The following CACNA2D1 variants were observed in gnomAD, a reference collection of about 807,000 sequenced individuals.
CACNA2D1 encodes calcium voltage-gated channel auxiliary subunit alpha2delta 1.
Under a neutral mutation model 171.5 loss-of-function variants are expected in CACNA2D1, and 53 were observed. The ratio of observed to expected loss-of-function variants is 0.31; its 90% CI spans 0.25 to 0.39. The LOEUF (loss-of-function observed/expected upper bound fraction) is 0.39, where lower values mean the gene tolerates loss of function less well. CACNA2D1 is among the 10% of genes least tolerant of loss of function. CACNA2D1 has a pLI of 1.00. For missense variants in CACNA2D1, 903 were observed against 1,299.8 expected (o/e 0.69, Z 4.69); for synonymous variants, 442 against 443.1 (o/e 1.00, Z 0.03).
chr7:82,162,229 C>T (rs545134531), intron 4 of CACNA2D1, among the ~76,000 whole-genome samples: 5 of 151,808 alleles, frequency 3.3e-5, no homozygotes, highest in Admixed American at 3.3e-4. Flanking sequence ...GTCCACATAA[C>T]TTTTGGAGGT....
chr7:82,250,403 G>C (rs1040248453), intron 3 of CACNA2D1, among the ~76,000 whole-genome samples: 1 of 152,144 alleles, frequency 6.6e-6, no homozygotes, highest in Non-Finnish European at 1.5e-5. Context: ...TTGTAGGAAA[G>C]CATTTTTGTT....
intron 7 of CACNA2D1, among the ~76,000 whole-genome samples, chr7:82,078,236 G>A (rs1175974246): frequency 2.6e-5 from 4 of 152,054 alleles, no homozygotes; most frequent in African/African-American, 7.2e-5. Flanking sequence ...AACGTCATAC[G>A]GAGATGAAGT....
intron 7 of CACNA2D1, among the ~76,000 whole-genome samples, chr7:82,074,731 CTT>C (rs1157915183): frequency 6.6e-6 from 1 of 152,084 alleles, no homozygotes; most frequent in African/African-American, 2.4e-5. Context: ...TTCGTCCAGA[CTT>C]AATTACACTG....
chr7:82,168,637 A>G (rs186009138), intron 4 of CACNA2D1, among the ~76,000 whole-genome samples: 46 of 149,852 alleles, frequency 3.1e-4, no homozygotes, highest in African/African-American at 1.1e-3. Context: ...AATGAGCCCA[A>G]TATTAAAGAG....
chr7:82,303,050 G>C (rs1347045665), intron 3 of CACNA2D1, among the ~76,000 whole-genome samples: 1 of 152,126 alleles, frequency 6.6e-6, no homozygotes, highest in Non-Finnish European at 1.5e-5. Flanking sequence ...CTGGAGTGCA[G>C]TGGTGCGATC....
At chr7:81,951,971 T>TTTTTTTTTGTTTGTTTG (rs1671690004) in intron 38 of CACNA2D1, among the ~76,000 whole-genome samples, 6 of 130,754 alleles carry the variant, frequency 4.6e-5, no homozygotes, top group Admixed American at 7.9e-5. Context: ...TACAAAGTGT[T>TTTTTTTTTGTTTGTTTG]TTTTTTTTTT....
intron 3 of CACNA2D1, among the ~76,000 whole-genome samples, chr7:82,240,525 T>C (rs1220206376): frequency 3.9e-5 from 6 of 152,272 alleles, no homozygotes; most frequent in Admixed American, 3.3e-4. Context: ...TAGAGGCAAA[T>C]ACAAGTGTAT....
chr7:82,114,762 A>G (rs942457780), intron 6 of CACNA2D1, among the ~76,000 whole-genome samples: 3 of 47,946 alleles, frequency 6.3e-5, no homozygotes, highest in Admixed American at 3.4e-4. Context: ...TCCCAGAAGA[A>G]AAAAAAAAAA....
intron 7 of CACNA2D1, among the ~76,000 whole-genome samples, chr7:82,067,367 T>C (rs981806466): frequency 2.0e-5 from 3 of 152,200 alleles, no homozygotes; most frequent in Admixed American, 6.5e-5. Context: ...CTAGTTCATA[T>C]GACTTACGTT....
intron 10 of CACNA2D1, among the ~76,000 whole-genome samples, chr7:82,060,168 A>G (rs1351131082): frequency 9.7e-5 from 1 of 10,316 alleles, no homozygotes; most frequent in African/African-American, 2.4e-4. Flanking sequence ...TATATATAAT[A>G]TATATATATA....
intron 6 of CACNA2D1, among the ~76,000 whole-genome samples, chr7:82,108,988 T>C (rs1300910175): frequency 6.6e-6 from 1 of 152,176 alleles, no homozygotes; most frequent in Admixed American, 6.5e-5. Flanking sequence ...GAAGCAATTG[T>C]ACTTTTTAAA....
At chr7:81,951,094 T>C (rs184687739) in intron 38 of CACNA2D1, among the ~76,000 whole-genome samples, 113 of 152,160 alleles carry the variant, frequency 7.4e-4, no homozygotes, top group African/African-American at 2.5e-3. Context: ...TGGACACATA[T>C]AGGATTTTGC....
chr7:82,382,719 T>C (rs1473394665), intron 1 of CACNA2D1, among the ~76,000 whole-genome samples: 1 of 152,222 alleles, frequency 6.6e-6, no homozygotes, highest in African/African-American at 2.4e-5. Flanking sequence ...ACGGTAAATG[T>C]TACATGGCCT....
At chr7:82,335,033 TAAG>T (rs990549031) in intron 3 of CACNA2D1, 99 bp downstream of exon 3, 12 of 803,032 alleles carry the variant, frequency 1.5e-5, no homozygotes, top group Non-Finnish European at 1.8e-5. Flanking sequence ...ACACAGTTAC[TAAG>T]AAGAAGAACG....
chr7:82,032,411 T>C (rs1488769079), intron 12 of CACNA2D1, among the ~76,000 whole-genome samples: 1 of 151,750 alleles, frequency 6.6e-6, no homozygotes. Flanking sequence ...GAAATTTGAG[T>C]ATTACTGCAA....
chr7:82,405,930 C>T (rs529645196), intron 1 of CACNA2D1, among the ~76,000 whole-genome samples: 126 of 152,110 alleles, frequency 8.3e-4, no homozygotes, highest in African/African-American at 2.7e-3. Context: ...AGGGTACCTG[C>T]GCACAACGTG....
Position 81,997,199 on chromosome 7 carries a change from C to G in CACNA2D1, c.1642G>C (p.Glu548Gln), listed in dbSNP as rs578023934. ...CTCACCTCCACTTTAATATCATTCTCTAACTCTGCATCAAGGAAATCCAAT... is the reference window on the plus strand; with the variant it reads ...CTCACCTCCACTTTAATATCATTCTGTAACTCTGCATCAAGGAAATCCAAT... The part of the protein sequence containing the change: ...VTLDFLDAEL[E>Q]NDIKVEIRNK... The change falls in exon 19 of 39, where the codon GAG becomes CAG. Residue 548 changes from glutamate to glutamine, a missense_variant. Glu to Gln is a conservative substitution (Grantham distance 29). Around this residue, in one of 5 missense-constraint regions of CACNA2D1, gnomAD observed 623 missense variants for 925.5 expected, o/e 0.67. Coordinates refer to ENST00000356860, the MANE Select transcript of CACNA2D1 (RefSeq NM_000722.4). 2 of 1,605,704 alleles carry G rather than the reference C, an allele frequency of 1.2e-6. No individual in the cohort carries two copies. The highest frequency in any genetic ancestry group is 3.3e-5 in the Admixed American group (2 of 59,982).
intron 3 of CACNA2D1, among the ~76,000 whole-genome samples, chr7:82,219,707 A>C (rs1801544413): frequency 6.6e-6 from 1 of 152,154 alleles, no homozygotes; most frequent in Non-Finnish European, 1.5e-5. Flanking sequence ...CTTTAAATTT[A>C]TACATGCTTA....
chr7:82,442,164 TAATA>T (rs943334212), intron 1 of CACNA2D1, among the ~76,000 whole-genome samples: 3 of 152,202 alleles, frequency 2.0e-5, no homozygotes, highest in African/African-American at 7.2e-5. Context: ...ACACCTAAGG[TAATA>T]AATACTTAAA....
Sources: allele counts gnomAD v4.1 joint callset (sites outside exome capture counted in the v4.1 genomes callset), GRCh38; gene constraint gnomAD v4.1.1; regional missense constraint gnomAD v4.1.1; transcripts MANE v1.5; gene names NCBI Gene and HGNC (gene_info 2026-07-23, HGNC 2026-07-21).